The following MEOX2 variants were observed in gnomAD, a reference collection of about 807,000 sequenced individuals.
The protein encoded by MEOX2 is homeobox protein MOX-2.
MEOX2 carries 11 observed loss-of-function variants against 27.0 expected under a neutral mutation model. The ratio of observed to expected loss-of-function variants is 0.41; its 90% CI spans 0.26 to 0.68. The LOEUF (loss-of-function observed/expected upper bound fraction) is 0.68, where lower values mean the gene tolerates loss of function less well. MEOX2 is among the 30% of genes least tolerant of loss of function. The pLI is 0.33. For missense variants in MEOX2, 436 were observed against 385.4 expected (o/e 1.13, Z -1.10); for synonymous variants, 189 against 155.4 (o/e 1.22, Z -1.61).
At chr7:15,620,225 G>C (rs185320498) in intron 2 of MEOX2, among the ~76,000 whole-genome samples, 8 of 152,178 alleles carry the variant, frequency 5.3e-5, no homozygotes, top group Non-Finnish European at 7.4e-5. Flanking sequence ...ACATCTTACT[G>C]TTTCTCTAGA....
At chr7:15,648,387 G>C (rs78589673) in intron 1 of MEOX2, among the ~76,000 whole-genome samples, 2 of 151,936 alleles carry the variant, frequency 1.3e-5, no homozygotes, top group Non-Finnish European at 2.9e-5. Flanking sequence ...ATGCCGGTGC[G>C]GATGAAGGAA....
chr7:15,686,457 C>G lies in MEOX2; in HGVS notation c.-55G>C. On this transcript the variant is annotated 5_prime_UTR_variant, in exon 1 of 3. Transcript: ENST00000262041. ...GACTTCACGGCGGTTCCAAAGGCCA[C>G]CACCCTCTGTCACTTTTTCACTGGA... The G allele has an allele frequency of 6.9e-7, 1 of 1,450,600 alleles. No homozygotes were observed. The highest frequency in any genetic ancestry group is 9.3e-7 in the Non-Finnish European group (1 of 1,080,100). 89.9% of individuals were successfully genotyped at this position (1,450,600 alleles called of 1,614,324 possible). A position where few individuals can be genotyped will look rare whatever the true frequency, so the allele number is the denominator to read the frequency against.
intron 1 of MEOX2, among the ~76,000 whole-genome samples, chr7:15,675,667 T>C (rs1782181657): frequency 6.6e-6 from 1 of 152,214 alleles, no homozygotes; most frequent in Admixed American, 6.5e-5. Flanking sequence ...TTCTAGTGTC[T>C]TGATTATTTT....
In MEOX2 at chr7:15,622,771, C is replaced by T. The variant is rs539451697; in HGVS notation, c.690+3975G>A. On this transcript the variant is annotated intron_variant, in intron 2 of 2. Coordinates refer to ENST00000262041, the MANE Select transcript of MEOX2 (RefSeq NM_005924.5). ...ATGGTCTAAATATTTATGTCTCCTC[C>T]AAATTCTTATGTTAAAATCCTAACC... Among the ~76,000 whole-genome samples the T allele has an allele frequency of 3.9e-5, 6 of 152,198 alleles. No individual in the cohort carries two copies. In the South Asian group the frequency reaches 8.3e-4, roughly 21 times the overall value.
chr7:15,657,085 T>A (rs1781833858), intron 1 of MEOX2, among the ~76,000 whole-genome samples: 1 of 152,206 alleles, frequency 6.6e-6, no homozygotes, highest in African/African-American at 2.4e-5. Context: ...TCATTGGTAT[T>A]GTTTCTCTTT....
chr7:15,686,175 G>GTGGTGA lies in MEOX2; in HGVS notation c.227_228insTCACCA (p.His79_His80dup). 4 of 211,558 alleles carry GTGGTGA rather than the reference G, an allele frequency of 1.9e-5. No individual in the cohort carries two copies. Among genetic ancestry groups the GTGGTGA allele is most frequent in the East Asian group, 6.1e-4 (1 of 1,644 alleles). 13.1% of individuals were successfully genotyped at this position (211,558 alleles called of 1,614,324 possible). ...GCTGCTGCTGCTGATGGTGGTGATG[G>GTGGTGA]TGGTGGTGGTGGTGGTGGTGGTGGT... On this transcript the variant is annotated inframe_insertion, in exon 1 of 3. Coordinates refer to ENST00000262041, the MANE Select transcript of MEOX2 (RefSeq NM_005924.5).
chr7:15,640,958 G>A (rs1039289689), intron 1 of MEOX2, among the ~76,000 whole-genome samples: 2 of 151,978 alleles, frequency 1.3e-5, no homozygotes, highest in Admixed American at 6.6e-5. Flanking sequence ...TTGCATCTAT[G>A]TTCATCAGAG....
chr7:15,618,532 C>G (rs1781161115), intron 2 of MEOX2, among the ~76,000 whole-genome samples: 1 of 151,888 alleles, frequency 6.6e-6, no homozygotes, highest in Non-Finnish European at 1.5e-5. Context: ...TAATTGGCAA[C>G]ATAATACCAT....
intron 1 of MEOX2, among the ~76,000 whole-genome samples, chr7:15,646,323 T>C (rs1356047185): frequency 2.0e-5 from 3 of 152,076 alleles, no homozygotes; most frequent in Non-Finnish European, 4.4e-5. Context: ...CACAATATAA[T>C]TGTGTTTTTT....
intron 1 of MEOX2, among the ~76,000 whole-genome samples, chr7:15,633,104 T>G (rs1781426845): frequency 6.6e-6 from 1 of 151,978 alleles, no homozygotes; most frequent in South Asian, 2.1e-4. Context: ...CCACATTATG[T>G]CACTGTACGG....
chr7:15,676,590 G>T (rs1476672557), intron 1 of MEOX2, among the ~76,000 whole-genome samples: 2 of 152,026 alleles, frequency 1.3e-5, no homozygotes, highest in African/African-American at 4.8e-5. Context: ...TTAAGTTCTG[G>T]CCGGGCGCGG....
intron 1 of MEOX2, among the ~76,000 whole-genome samples, chr7:15,655,930 C>T (rs1337659137): frequency 2.0e-5 from 3 of 151,512 alleles, no homozygotes; most frequent in Non-Finnish European, 4.4e-5. Flanking sequence ...GCTGTTTTAT[C>T]GATTGAGAGA....
At chr7:15,638,045 C>A (rs1781511073) in intron 1 of MEOX2, among the ~76,000 whole-genome samples, 1 of 152,006 alleles carries the variant, frequency 6.6e-6, no homozygotes, top group African/African-American at 2.4e-5. Flanking sequence ...ATTTAACTTT[C>A]ATTTGACACG....
At chr7:15,684,370 C>A (rs73290120) in intron 1 of MEOX2, among the ~76,000 whole-genome samples, 8,132 of 152,176 alleles carry the variant, frequency 0.053, 275 homozygotes, top group African/African-American at 0.096. Flanking sequence ...TATGATTAAC[C>A]TTTCAACTCA....
intron 2 of MEOX2, among the ~76,000 whole-genome samples, chr7:15,624,285 G>A (rs1192213469): frequency 2.0e-5 from 3 of 152,134 alleles, no homozygotes; most frequent in African/African-American, 7.2e-5. Context: ...TGCACGTAGA[G>A]ATTTATGGAA....
At chr7:15,669,409 C>T (rs370332840) in intron 1 of MEOX2, among the ~76,000 whole-genome samples, 3 of 152,212 alleles carry the variant, frequency 2.0e-5, no homozygotes, top group East Asian at 1.9e-4. Flanking sequence ...CATACTTTAA[C>T]GCACACTCTC....
intron 1 of MEOX2, among the ~76,000 whole-genome samples, chr7:15,631,774 G>A (rs1781406703): frequency 6.6e-6 from 1 of 151,600 alleles, no homozygotes; most frequent in African/African-American, 2.4e-5. Flanking sequence ...GATTTGAGAT[G>A]CTTTATAAAA....
chr7:15,630,261 T>C (rs542903502), intron 1 of MEOX2, among the ~76,000 whole-genome samples: 1 of 152,150 alleles, frequency 6.6e-6, no homozygotes, highest in Non-Finnish European at 1.5e-5. Flanking sequence ...AATACTTCCG[T>C]GGAGGATAAA....
chr7:15,677,589 C>T (rs939749208), intron 1 of MEOX2: 7 of 152,190 alleles, frequency 4.6e-5, no homozygotes, highest in African/African-American at 1.2e-4. Flanking sequence ...CTGCAATCCT[C>T]CATCTGAGGT....
Sources: allele counts gnomAD v4.1 joint callset (sites outside exome capture counted in the v4.1 genomes callset), GRCh38; gene constraint gnomAD v4.1.1; transcripts MANE v1.5; gene names NCBI Gene and HGNC (gene_info 2026-07-23, HGNC 2026-07-21).